Variants in MAN1C1 observed in about 807,000 individuals in gnomAD.
The protein encoded by MAN1C1 is mannosyl-oligosaccharide 1,2-alpha-mannosidase IC.
MAN1C1 carries 49 observed loss-of-function variants against 71.5 expected under a neutral mutation model. That is an observed-to-expected ratio of 0.69 (90% CI 0.54 to 0.87). The LOEUF (loss-of-function observed/expected upper bound fraction) is 0.87. Ranked by LOEUF, MAN1C1 falls within the 40% of genes least tolerant of loss-of-function variation. MAN1C1 has a pLI of 0.00. For synonymous variants in MAN1C1, 352 were observed against 343.7 expected (o/e 1.02, Z -0.27); for missense variants, 743 against 835.0 (o/e 0.89, Z 1.36).
intron 11 of MAN1C1, among the ~76,000 whole-genome samples, chr1:25,783,327 G>C (rs1166436989): frequency 6.6e-6 from 1 of 152,212 alleles, no homozygotes; most frequent in Non-Finnish European, 1.5e-5. Flanking sequence ...GGGCACGTGA[G>C]AGTCAACTGG....
rs1007108 is a variant in MAN1C1, at chr1:25,778,482, G to A, written c.1477+158G>A. On this transcript the variant is annotated intron_variant, in intron 9 of 11. Transcript: ENST00000374332. The surrounding 1 kb of genome is among the most constrained non-coding windows in gnomAD (Gnocchi z 5.5). ...TTGAGAGAGGTACTCTCCAGGCTCC[G>A]AGACCATACCCTGAATGAAAGGGAA... 0.12 allele frequency among the ~76,000 whole-genome samples: 18,860 copies of A among 152,176 alleles called. 1,381 individuals are homozygous for A. Among genetic ancestry groups the A allele is most frequent in the South Asian group, 0.32 (1,524 of 4,826 alleles).
chr1:25,656,296 C>T (rs1377287186), intron 1 of MAN1C1, among the ~76,000 whole-genome samples: 1 of 151,704 alleles, frequency 6.6e-6, no homozygotes, highest in Non-Finnish European at 1.5e-5. Flanking sequence ...CGGGGTTTTA[C>T]CATGTTGGGC....
At chr1:25,635,067 T>C (rs545115946) in intron 1 of MAN1C1, among the ~76,000 whole-genome samples, 11 of 152,258 alleles carry the variant, frequency 7.2e-5, no homozygotes, top group African/African-American at 2.4e-4. Context: ...TGTCTCACTG[T>C]GTTGCCTAGG....
At chr1:25,618,524 A>G (rs1226188063) in intron 1 of MAN1C1, among the ~76,000 whole-genome samples, 187 bp downstream of exon 1, 5 of 151,442 alleles carry the variant, frequency 3.3e-5, no homozygotes, top group African/African-American at 9.7e-5. Context: ...CTCCCTACAC[A>G]GTTTCCCACC....
intron 1 of MAN1C1, among the ~76,000 whole-genome samples, chr1:25,636,396 C>CA (rs1451466543): frequency 1.3e-5 from 2 of 152,186 alleles, no homozygotes; most frequent in African/African-American, 4.8e-5. Flanking sequence ...GACCTCCCCC[C>CA]AGGAATACAT....
At chr1:25,663,114 TA>T (rs1351212817) in intron 1 of MAN1C1, among the ~76,000 whole-genome samples, 80 of 148,112 alleles carry the variant, frequency 5.4e-4, no homozygotes, top group African/African-American at 1.9e-3. Context: ...TACATATATA[TA>T]TTTTATTTAT....
At chr1:25,662,068 C>T (rs1222571391) in intron 1 of MAN1C1, among the ~76,000 whole-genome samples, 1 of 152,202 alleles carries the variant, frequency 6.6e-6, no homozygotes, top group Non-Finnish European at 1.5e-5. Context: ...GGTAGTCAGC[C>T]TCCTCTCTCT....
At chr1:25,767,096 C>G (rs2047437608) in intron 7 of MAN1C1, among the ~76,000 whole-genome samples, 1 of 151,852 alleles carries the variant, frequency 6.6e-6, no homozygotes, top group South Asian at 2.1e-4. Flanking sequence ...TCTTCTCATT[C>G]CTATGCCTGT....
At chr1:25,733,526 G>T (rs1349926928) in intron 2 of MAN1C1, among the ~76,000 whole-genome samples, 2 of 152,052 alleles carry the variant, frequency 1.3e-5, no homozygotes. Flanking sequence ...CCCATCTCCT[G>T]GCTGTGCTCC....
intron 1 of MAN1C1, among the ~76,000 whole-genome samples, chr1:25,619,727 G>A (rs930480159): frequency 6.6e-6 from 1 of 152,176 alleles, no homozygotes; most frequent in Non-Finnish European, 1.5e-5. Flanking sequence ...CAGTAGCTAA[G>A]TAAGGGGCAT....
At chr1:25,687,591 G>A (rs1557765862) in intron 2 of MAN1C1, among the ~76,000 whole-genome samples, 1 of 152,150 alleles carries the variant, frequency 6.6e-6, no homozygotes, top group Non-Finnish European at 1.5e-5. Flanking sequence ...ATTTACAAGG[G>A]ATATCCCCCC....
At chr1:25,736,949 C>T (rs1478909751) in intron 2 of MAN1C1, among the ~76,000 whole-genome samples, 1 of 152,208 alleles carries the variant, frequency 6.6e-6, no homozygotes, top group African/African-American at 2.4e-5. Context: ...CGCTGTCTTC[C>T]CTATCCAGGC....
intron 1 of MAN1C1, among the ~76,000 whole-genome samples, chr1:25,649,059 G>T (rs2045654887): frequency 6.6e-6 from 1 of 152,162 alleles, no homozygotes; most frequent in African/African-American, 2.4e-5. Context: ...CATTTCCTTA[G>T]GAATTTCACA....
rs2047239951 is a variant in MAN1C1 at position 25,753,207 on chromosome 1, G to A, written c.835-277G>A. On this transcript the variant is annotated intron_variant, in intron 4 of 11. Coordinates refer to ENST00000374332, the MANE Select transcript of MAN1C1 (RefSeq NM_020379.4). The surrounding 1 kb of genome is among the most constrained non-coding windows in gnomAD (Gnocchi z 4.9). ...TTGCCACCAGAGTCCTGACACTGTG[G>A]TAGATGCTTTGCCACAATTATCTAA... 6.6e-6 allele frequency among the ~76,000 whole-genome samples: 1 copy of A among 152,168 alleles called. No individual in the cohort carries two copies. The highest frequency in any genetic ancestry group is 1.5e-5 in the Non-Finnish European group (1 of 68,036).
chr1:25,726,571 G>T (rs2046834165), intron 2 of MAN1C1, among the ~76,000 whole-genome samples: 1 of 152,090 alleles, frequency 6.6e-6, no homozygotes, highest in Non-Finnish European at 1.5e-5. Flanking sequence ...CCCCAGGTGG[G>T]CCCCATCTCA....
At chr1:25,758,481 T>C (rs1462591974) in intron 5 of MAN1C1, 111 bp from the exon 6 acceptor site, 6 of 867,546 alleles carry the variant, frequency 6.9e-6, no homozygotes, top group Non-Finnish European at 9.6e-6. Flanking sequence ...AAGCTCCTGG[T>C]TCCATGCCTG....
intron 8 of MAN1C1, among the ~76,000 whole-genome samples, chr1:25,772,582 T>C (rs1283770339): frequency 7.3e-6 from 1 of 137,328 alleles, no homozygotes; most frequent in African/African-American, 2.7e-5. Flanking sequence ...GCAAGTCGGA[T>C]CTACTCTGCC....
chr1:25,667,307 A>C (rs1194374970), intron 1 of MAN1C1, among the ~76,000 whole-genome samples: 1 of 151,798 alleles, frequency 6.6e-6, no homozygotes, highest in African/African-American at 2.4e-5. Flanking sequence ...AACATGGTGA[A>C]GCCCGGTCTC....
At chr1:25,637,245 A>G (rs2045475837) in intron 1 of MAN1C1, among the ~76,000 whole-genome samples, 1 of 152,224 alleles carries the variant, frequency 6.6e-6, no homozygotes. Context: ...CTTCTTAAAA[A>G]TATCCATTTA....
Sources: gnomAD v4.1 joint callset for allele counts (sites outside exome capture counted in the v4.1 genomes callset) on GRCh38, gnomAD v4.1.1 for gene constraint, Gnocchi (gnomAD v3.1) non-coding constraint, MANE v1.5 for transcripts, NCBI Gene and HGNC (gene_info 2026-07-23, HGNC 2026-07-21) for gene names.